ANK1: variants seen among roughly 807,000 people sequenced by gnomAD.
ANK1 encodes the protein ankyrin-1.
Under a neutral mutation model 210.4 loss-of-function variants are expected in ANK1, and 51 were observed. That is an observed-to-expected ratio of 0.24 (90% CI 0.19 to 0.31). The LOEUF (loss-of-function observed/expected upper bound fraction) is 0.31. ANK1 is among the 10% of genes least tolerant of loss of function. The pLI is 1.00. For synonymous variants in ANK1, 967 were observed against 1,025.9 expected (o/e 0.94, Z 1.10); for missense variants, 2,051 against 2,504.4 (o/e 0.82, Z 3.86).
chr8:41,722,569 C>A (rs938007082), intron 9 of ANK1, among the ~76,000 whole-genome samples: 23 of 152,326 alleles, frequency 1.5e-4, no homozygotes, highest in Admixed American at 4.6e-4. Context: ...ACGTAACGGG[C>A]CTTTTCTCTG....
At chr8:41,742,053 C>T (rs1834928137) in intron 2 of ANK1, among the ~76,000 whole-genome samples, 1 of 152,160 alleles carries the variant, frequency 6.6e-6, no homozygotes, top group Non-Finnish European at 1.5e-5. Flanking sequence ...GGGAAGGAGA[C>T]CTCAGCTAGG....
At chr8:41,676,404 C>T (rs1422420367) in intron 37 of ANK1, among the ~76,000 whole-genome samples, 4 of 152,120 alleles carry the variant, frequency 2.6e-5, no homozygotes, top group East Asian at 1.9e-4. Flanking sequence ...AAAGTCTGTT[C>T]GAATCTATTG....
chr8:41,708,439 G>A lies in ANK1; in HGVS notation c.1998+339C>T, dbSNP rs190305320. 4.7e-3 allele frequency among the ~76,000 whole-genome samples: 720 copies of A among 152,292 alleles called. 6 individuals carry two copies. Among genetic ancestry groups the A allele is most frequent in the African/African-American group, 0.016 (670 of 41,572 alleles). Reference sequence around the variant, plus strand: ...ATAGAATATTTAGTCCCAAATGACAGAATGCACTCCTGAAGGTAGGCACCG... The same window carrying A: ...ATAGAATATTTAGTCCCAAATGACAAAATGCACTCCTGAAGGTAGGCACCG... On this transcript the variant is annotated intron_variant, in intron 17 of 42. Coordinates refer to ENST00000289734, the MANE Select transcript of ANK1 (RefSeq NM_000037.4).
At chr8:41,846,785 TTTTTCCC>T in intron 1 of ANK1, among the ~76,000 whole-genome samples, 1 of 152,212 alleles carries the variant, frequency 6.6e-6, no homozygotes, top group South Asian at 2.1e-4. Flanking sequence ...TCTGGACCCC[TTTTTCCC>T]ACACCCTCCC....
chr8:41,881,151 T>A (rs189634392), intron 1 of ANK1, among the ~76,000 whole-genome samples: 2 of 152,262 alleles, frequency 1.3e-5, no homozygotes, highest in African/African-American at 4.8e-5. Context: ...GGATGGGGTG[T>A]GAGATTCACA....
At chr8:41,816,273 T>C (rs1803312412) in intron 1 of ANK1, among the ~76,000 whole-genome samples, 2 of 152,210 alleles carry the variant, frequency 1.3e-5, no homozygotes, top group Non-Finnish European at 2.9e-5. Flanking sequence ...ACTGATGTGA[T>C]TGATATACAC....
chr8:41,684,772 A>C, intron 36 of ANK1, 82 bp from the exon 37 acceptor site: 2 of 1,524,872 alleles, frequency 1.3e-6, no homozygotes, highest in Non-Finnish European at 1.8e-6. Context: ...GGCCAGGATG[A>C]AGATGGAGAA....
chr8:41,896,115 C>A (rs947100821), intron 1 of ANK1, among the ~76,000 whole-genome samples: 1 of 152,216 alleles, frequency 6.6e-6, no homozygotes, highest in African/African-American at 2.4e-5. Context: ...GAGGATTCTG[C>A]GCGCCCTCAG....
intron 1 of ANK1, among the ~76,000 whole-genome samples, chr8:41,765,117 C>G (rs1841449650): frequency 6.6e-6 from 1 of 151,596 alleles, no homozygotes. Flanking sequence ...TTCCTTCCTT[C>G]TCTTTTTCTC....
chr8:41,758,422 T>A (rs1839688499), intron 1 of ANK1, among the ~76,000 whole-genome samples: 1 of 152,234 alleles, frequency 6.6e-6, no homozygotes, highest in Non-Finnish European at 1.5e-5. Context: ...CGCAGTTCAC[T>A]GCAGCCTTGA....
intron 1 of ANK1, among the ~76,000 whole-genome samples, chr8:41,775,521 C>T (rs561649544): frequency 1.3e-5 from 2 of 152,300 alleles, no homozygotes; most frequent in African/African-American, 2.4e-5. Flanking sequence ...GATGATTCAC[C>T]GCAGAGACAA....
intron 1 of ANK1, among the ~76,000 whole-genome samples, chr8:41,891,717 G>T (rs1819491709): frequency 6.6e-6 from 1 of 152,180 alleles, no homozygotes; most frequent in Admixed American, 6.5e-5. Flanking sequence ...CACATCTTCA[G>T]CCCCTGCCGG....
intron 1 of ANK1, among the ~76,000 whole-genome samples, chr8:41,843,447 T>G (rs924383534): frequency 5.9e-5 from 8 of 134,750 alleles, no homozygotes; most frequent in Non-Finnish European, 1.6e-5. Flanking sequence ...CTCTGTTATC[T>G]CTTTCTGAAT....
intron 1 of ANK1, among the ~76,000 whole-genome samples, chr8:41,765,709 C>T (rs1472949738): frequency 1.3e-5 from 2 of 152,180 alleles, no homozygotes; most frequent in African/African-American, 4.8e-5. Flanking sequence ...CAGGACTGCT[C>T]TGAAAGGGTG....
chr8:41,663,572 G>T, intron 40 of ANK1, 87 bp downstream of exon 40: 2 of 1,324,404 alleles, frequency 1.5e-6, no homozygotes, highest in Non-Finnish European at 2.2e-6. Flanking sequence ...TGTGAGGGCA[G>T]CAGGGAGAAG....
In ANK1 at chr8:41,725,866, C is replaced by T. The variant is rs371255992; in HGVS notation, c.507G>A (p.Lys169=). The T allele has an allele frequency of 6.2e-7, 1 of 1,612,998 alleles. No homozygotes were observed. Among genetic ancestry groups the T allele is most frequent in the Admixed American group, 1.7e-5 (1 of 59,994 alleles). The change falls in exon 6 of 43, where the codon AAG becomes AAA. Residue 169 remains lysine, a synonymous_variant. Coordinates refer to ENST00000289734, the MANE Select transcript of ANK1 (RefSeq NM_000037.4). Reference sequence around the variant, plus strand: ...GCAGGGCCGGGAGGCGCACCTTCCCCTTGGTGCCGTAGTTGATGAGGTGCG... The same window carrying T: ...GCAGGGCCGGGAGGCGCACCTTCCCTTTGGTGCCGTAGTTGATGAGGTGCG... ...VVAHLINYGT[K]GKVRLPALHI...
intron 38 of ANK1, among the ~76,000 whole-genome samples, chr8:41,669,582 C>A (rs1370208226): frequency 1.3e-5 from 2 of 152,194 alleles, no homozygotes; most frequent in African/African-American, 4.8e-5. Flanking sequence ...GCCTGTCCCA[C>A]CCCATCCCTG....
At position 41,704,220 on chromosome 8, in the gene ANK1, C is replaced by A; in HGVS notation, c.2197-81G>T. ...CCTACACATGATAGTGCCTGCCCATCTTCGAAGTGGGACATTAATGAAATG... is the reference window on the plus strand; with the variant it reads ...CCTACACATGATAGTGCCTGCCCATATTCGAAGTGGGACATTAATGAAATG... On this transcript the variant is annotated intron_variant, in intron 19 of 42. Transcript: ENST00000289734. The surrounding 1 kb of genome is among the most constrained non-coding windows in gnomAD (Gnocchi z 4.1). 1 of 1,409,604 alleles carries A rather than the reference C, an allele frequency of 7.1e-7. No individual in the cohort carries two copies. The highest frequency in any genetic ancestry group is 1.4e-5 in the African/African-American group (1 of 70,872). The allele number at this position is 1,409,604 out of a possible 1,614,324, so 87.3% of individuals were successfully genotyped here.
chr8:41,871,469 G>A (rs990515589), intron 1 of ANK1, among the ~76,000 whole-genome samples: 3 of 152,120 alleles, frequency 2.0e-5, no homozygotes, highest in Non-Finnish European at 4.4e-5. Context: ...CACCACGTCC[G>A]GCCTATGGTG....
Sources: allele counts gnomAD v4.1 joint callset (sites outside exome capture counted in the v4.1 genomes callset), GRCh38; gene constraint gnomAD v4.1.1; non-coding constraint Gnocchi (gnomAD v3.1); transcripts MANE v1.5; gene names NCBI Gene and HGNC (gene_info 2026-07-23, HGNC 2026-07-21).